TMEM108: variants seen among roughly 807,000 people sequenced by gnomAD.
The protein encoded by TMEM108 is cancer/testis antigen 124.
TMEM108 carries 12 observed loss-of-function variants against 35.1 expected under a neutral mutation model. The observed-to-expected ratio is 0.34, with a 90% CI of 0.22 to 0.55. TMEM108 has a LOEUF of 0.55. TMEM108 is among the 20% of genes least tolerant of loss of function. The probability of loss-of-function intolerance (pLI) is 0.89; values close to 1 mark genes in which losing one functional copy is unlikely to be tolerated. For missense variants in TMEM108, 680 were observed against 753.3 expected, an observed-to-expected ratio of 0.90 and a Z score of 1.14; for synonymous variants, 287 against 308.6, an observed-to-expected ratio of 0.93 and a Z score of 0.73.
At chr3:133,247,648 A>T (rs867595735) in intron 3 of TMEM108, 1 of 142,734 alleles carries the variant, frequency 7.0e-6, no homozygotes. Flanking sequence ...TCCTAAAAAA[A>T]AAATAAAAAA....
At chr3:133,378,192 C>T (rs973286230) in intron 3 of TMEM108, 6 of 271,274 alleles carry the variant, frequency 2.2e-5, no homozygotes, top group Non-Finnish European at 3.4e-5. Flanking sequence ...AATCTAAAGT[C>T]CCCCGCAGCC....
In TMEM108 at chr3:133,387,544, CG is replaced by C. The variant is rs967602133; in HGVS notation, c.1451-2631del. The stretch of plus-strand genomic sequence containing the variant: ...ACATGGGCTGTTAGAGCACTGGACT[CG>C]GGGGCGGAGGACTTGGATTCTGCAA... On this transcript the variant is annotated intron_variant, in intron 4 of 5. Coordinates refer to ENST00000321871, the MANE Select transcript of TMEM108 (RefSeq NM_023943.4). 10 of 985,362 alleles carry C rather than the reference CG, an allele frequency of 1.0e-5. No homozygotes were observed. The South Asian group carries it at 3.8e-4, about 37-fold the overall frequency. 61.0% of individuals were successfully genotyped at this position (985,362 alleles called of 1,614,324 possible).
At chr3:133,225,495 C>G (rs1393552195) in intron 2 of TMEM108, among the ~76,000 whole-genome samples, 1 of 152,088 alleles carries the variant, frequency 6.6e-6, no homozygotes, top group Non-Finnish European at 1.5e-5. Context: ...CTTCCCAGCC[C>G]CTGAAAGGAA....
intron 4 of TMEM108, among the ~76,000 whole-genome samples, chr3:133,386,123 A>G (rs1032972598): frequency 6.6e-6 from 1 of 152,202 alleles, no homozygotes; most frequent in African/African-American, 2.4e-5. Flanking sequence ...TCCAGCAGGA[A>G]CAGGCCTGCA....
Position 133,380,319 on chromosome 3 carries a change from G to A in TMEM108, c.608G>A (p.Ser203Asn), listed in dbSNP as rs373012418. The change falls in exon 4 of 6, where the codon AGC (serine) becomes AAC (asparagine). Residue 203 changes from serine (S) to asparagine (N), a missense_variant. Ser to Asn is a conservative substitution (Grantham distance 46, BLOSUM62 1). Transcript: ENST00000321871. This position sits in a 1 kb window ranked among gnomAD's most constrained non-coding sequence, Gnocchi z 5.3. ...GAAGGACAGCGAGGACGAAATCCAAGCTCCACACCTCTGGGGCAGAAGCGG... is the reference window on the plus strand; with the variant it reads ...GAAGGACAGCGAGGACGAAATCCAAACTCCACACCTCTGGGGCAGAAGCGG... Reference protein sequence around the residue: ...SKEGQRGRNPSSTPLGQKRPL... With the variant: ...SKEGQRGRNPNSTPLGQKRPL... The A allele has an allele frequency of 6.2e-6, 10 of 1,614,034 alleles. No homozygotes were observed. Among genetic ancestry groups the A allele is most frequent in the Non-Finnish European group, 8.5e-6 (10 of 1,180,016 alleles).
chr3:133,171,324 TA>T (rs1945128166), intron 2 of TMEM108, among the ~76,000 whole-genome samples: 1 of 152,238 alleles, frequency 6.6e-6, no homozygotes, highest in Admixed American at 6.5e-5. Context: ...TATATAATTT[TA>T]AAATTATATT....
intron 2 of TMEM108, among the ~76,000 whole-genome samples, chr3:133,175,413 A>G (rs1945203196): frequency 6.6e-6 from 1 of 152,228 alleles, no homozygotes; most frequent in Non-Finnish European, 1.5e-5. Context: ...TGTTGAGGGC[A>G]GCCAGAGAGA....
At chr3:133,336,770 T>C (rs1371755827) in intron 3 of TMEM108, among the ~76,000 whole-genome samples, 1 of 151,572 alleles carries the variant, frequency 6.6e-6, no homozygotes, top group East Asian at 2.0e-4. Flanking sequence ...AGGCCATGGC[T>C]CTTGGATAGC....
chr3:133,087,191 G>A (rs1376589277), intron 2 of TMEM108, among the ~76,000 whole-genome samples: 1 of 152,134 alleles, frequency 6.6e-6, no homozygotes, highest in Non-Finnish European at 1.5e-5. Context: ...TGACTCTGCT[G>A]TGTGTGTCCT....
At chr3:133,276,070 C>T (rs976699301) in intron 3 of TMEM108, among the ~76,000 whole-genome samples, 7 of 152,108 alleles carry the variant, frequency 4.6e-5, no homozygotes, top group African/African-American at 7.2e-5. Flanking sequence ...AAGGGTGACC[C>T]GTGGAGCCAT....
In TMEM108 at chr3:133,203,685, G is replaced by A. The variant is rs553753294; in HGVS notation, c.-46-25581G>A. On this transcript the variant is annotated intron_variant, in intron 2 of 5. Coordinates refer to ENST00000321871, the MANE Select transcript of TMEM108 (RefSeq NM_023943.4). ...GGATAAGCTATTTGATATGCTGCTTGATTAGGTTTGCCAGTATTTTATTGA... is the reference window on the plus strand; with the variant it reads ...GGATAAGCTATTTGATATGCTGCTTAATTAGGTTTGCCAGTATTTTATTGA... Among the ~76,000 whole-genome samples the A allele has an allele frequency of 2.6e-5, 4 of 152,302 alleles. No homozygotes were observed. The East Asian group carries it at 7.7e-4, about 29-fold the overall frequency.
intron 2 of TMEM108, among the ~76,000 whole-genome samples, chr3:133,073,508 CTCTATA>C (rs1165038202): frequency 1.0e-4 from 7 of 68,984 alleles, no homozygotes; most frequent in East Asian, 3.1e-4. Flanking sequence ...CTCTCTCTCT[CTCTATA>C]TATATATATA....
At chr3:133,163,159 T>C (rs972119631) in intron 2 of TMEM108, among the ~76,000 whole-genome samples, 3 of 152,180 alleles carry the variant, frequency 2.0e-5, no homozygotes, top group Non-Finnish European at 4.4e-5. Context: ...CACATAAATA[T>C]TCATGAGGGA....
chr3:133,060,016 G>A (rs909966438), intron 2 of TMEM108, among the ~76,000 whole-genome samples: 2 of 152,102 alleles, frequency 1.3e-5, no homozygotes, highest in African/African-American at 4.8e-5. Flanking sequence ...ACATCGTAGA[G>A]GTCATCTGGT....
At chr3:133,160,217 G>A (rs1171343836) in intron 2 of TMEM108, among the ~76,000 whole-genome samples, 2 of 152,196 alleles carry the variant, frequency 1.3e-5, no homozygotes, top group Admixed American at 1.3e-4. Context: ...CCCCAGAGCT[G>A]GTTCTAGAAA....
At chr3:133,291,377 C>T (rs1947066264) in intron 3 of TMEM108, among the ~76,000 whole-genome samples, 1 of 152,070 alleles carries the variant, frequency 6.6e-6, no homozygotes, top group Non-Finnish European at 1.5e-5. Flanking sequence ...ACCTCCCAGG[C>T]TCAAGCAGTT....
chr3:133,231,925 G>A (rs543981975), intron 3 of TMEM108, among the ~76,000 whole-genome samples: 1 of 152,228 alleles, frequency 6.6e-6, no homozygotes, highest in African/African-American at 2.4e-5. Flanking sequence ...AGATGGATAA[G>A]CAAGGACTGG....
chr3:133,223,042 T>C (rs572751500), intron 2 of TMEM108, among the ~76,000 whole-genome samples: 1 of 152,272 alleles, frequency 6.6e-6, no homozygotes, highest in South Asian at 2.1e-4. Context: ...AGGCTGGTTA[T>C]ACAATTATTT....
intron 2 of TMEM108, among the ~76,000 whole-genome samples, chr3:133,161,544 C>T (rs1431397807): frequency 1.3e-5 from 2 of 151,780 alleles, no homozygotes; most frequent in African/African-American, 4.8e-5. Context: ...GGTAAGTGCT[C>T]AATAAATGTT....
Sources: allele counts gnomAD v4.1 joint callset (sites outside exome capture counted in the v4.1 genomes callset), GRCh38; gene constraint gnomAD v4.1.1; non-coding constraint Gnocchi (gnomAD v3.1); transcripts MANE v1.5; gene names NCBI Gene and HGNC (gene_info 2026-07-23, HGNC 2026-07-21).